The following PLIN1 variants were observed in gnomAD, a reference collection of about 807,000 sequenced individuals.
PLIN1 encodes perilipin 1.
A neutral mutation model predicts 45.8 loss-of-function variants in PLIN1; 37 were observed. The observed-to-expected ratio is 0.81, with a 90% confidence interval of 0.62 to 1.06. The LOEUF (loss-of-function observed/expected upper bound fraction) is 1.06. PLIN1 is among the 50% of genes least tolerant of loss of function. PLIN1 has a pLI of 0.00. For missense variants in PLIN1, 776 were observed against 716.5 expected, an observed-to-expected ratio of 1.08 and a Z score of -0.95; for synonymous variants, 340 against 309.2, an observed-to-expected ratio of 1.10 and a Z score of -1.05.
intron 6 of PLIN1, 41 bp downstream of exon 6, chr15:89,669,459 C>T (rs1193167255): frequency 1.3e-6 from 2 of 1,578,286 alleles, no homozygotes; most frequent in Non-Finnish European, 1.7e-6. Flanking sequence ...CCACAGGGCT[C>T]CCAGGCACCG....
chr15:89,676,339 C>G (rs1228715684), intron 2 of PLIN1, among the ~76,000 whole-genome samples: 1 of 152,202 alleles, frequency 6.6e-6, no homozygotes, highest in African/African-American at 2.4e-5. Flanking sequence ...GCTCTGCCTC[C>G]TGGGTTCATG....
chr15:89,668,283 A>G (rs995373421), intron 6 of PLIN1, among the ~76,000 whole-genome samples: 2 of 152,202 alleles, frequency 1.3e-5, no homozygotes, highest in Non-Finnish European at 2.9e-5. Context: ...TCTGTGTAAT[A>G]TTCCATCATA....
At position 89,670,086 on chromosome 15, in the gene PLIN1, A is replaced by C; in HGVS notation, c.492T>G (p.Ala164=). ...CCAGTCGGCCAGCTCGAGTGTTGGCAGCAAATTCCGCAGTGTCTCTGGCCA... is the reference window on the plus strand; with the variant it reads ...CCAGTCGGCCAGCTCGAGTGTTGGCCGCAAATTCCGCAGTGTCTCTGGCCA... ...WGVARDTAEF[A]ANTRAGRLAS... Residue 164 remains alanine (A), a synonymous_variant, in exon 5 of 9, where the codon GCT becomes GCG. Coordinates refer to ENST00000300055, the MANE Select transcript of PLIN1 (RefSeq NM_002666.5). 1.2e-6 allele frequency: 2 copies of C among 1,614,198 alleles called. No homozygotes were observed. Among genetic ancestry groups the C allele is most frequent in the East Asian group, 4.5e-5 (2 of 44,882 alleles).
At chr15:89,666,883 G>A (rs1964349351) in intron 8 of PLIN1, 53 bp downstream of exon 8, 3 of 1,605,650 alleles carry the variant, frequency 1.9e-6, no homozygotes, top group Non-Finnish European at 1.7e-6. Flanking sequence ...TACTTTATCT[G>A]CCATGTCCAG....
rs1183252447 is a variant in PLIN1 at position 89,665,826 on chromosome 15, G to C, written c.1326C>G (p.Gly442=). Residue 442 remains glycine, a synonymous_variant, in exon 9 of 9, where the codon GGC becomes GGG. Transcript: ENST00000300055. ...GTGCGAGACGCGGGGCGGGCTCCGG[G>C]CCGGCGGACGGCGCCCCAGACGCTC... is the stretch of plus-strand genomic sequence containing the variant. ...ERRASGAPSA[G]PEPAPRLAQP... 1 of 1,413,862 alleles carries C rather than the reference G, an allele frequency of 7.1e-7. No individual in the cohort carries two copies. Among genetic ancestry groups the C allele is most frequent in the Non-Finnish European group, 9.2e-7 (1 of 1,082,074 alleles). The allele number at this position is 1,413,862 out of a possible 1,614,324, so 87.6% of individuals were successfully genotyped here.
intron 1 of PLIN1, among the ~76,000 whole-genome samples, chr15:89,678,971 A>G (rs936295303): frequency 3.3e-5 from 5 of 151,948 alleles, no homozygotes; most frequent in Admixed American, 6.6e-5. Context: ...TCAGCCTCTC[A>G]TGTAGCTGGG....
chr15:89,677,525 C>A, intron 1 of PLIN1, 22 bp from the exon 2 acceptor site: 1 of 1,608,914 alleles, frequency 6.2e-7, no homozygotes, highest in Non-Finnish European at 8.5e-7. Context: ...AGTCCCAGGT[C>A]CCATCAGAAG....
In PLIN1 at chr15:89,667,032, A is replaced by AG. The variant is rs745508965; in HGVS notation, c.1112dup (p.Ala372CysfsTer21). Reference sequence around the variant, plus strand: ...CCCTCCCCTTGGTTGAGGAGACAGCAGGGGCTGGTGTGAGGTGCAGCACCC... The same window carrying AG: ...CCCTCCCCTTGGTTGAGGAGACAGCAGGGGGCTGGTGTGAGGTGCAGCACCC... On this transcript the variant is annotated frameshift_variant, in exon 8 of 9. Coordinates refer to ENST00000300055, the MANE Select transcript of PLIN1 (RefSeq NM_002666.5). LOFTEE classifies it high-confidence loss of function. 1.4e-5 allele frequency: 23 copies of AG among 1,613,672 alleles called. No individual in the cohort carries two copies. Among genetic ancestry groups the AG allele is most frequent in the Non-Finnish European group, 1.9e-5 (22 of 1,179,820 alleles).
chr15:89,676,438 G>T (rs573094374), intron 2 of PLIN1, among the ~76,000 whole-genome samples: 2 of 152,028 alleles, frequency 1.3e-5, no homozygotes, highest in African/African-American at 2.4e-5. Flanking sequence ...TAGTAGAGAT[G>T]GGGTTTCACT....
At chr15:89,667,471 G>A (rs1368879467) in intron 7 of PLIN1, 131 bp downstream of exon 7, 8 of 1,381,222 alleles carry the variant, frequency 5.8e-6, no homozygotes, top group African/African-American at 4.2e-5. Context: ...ATTTGGGGGT[G>A]GGGTGAAGGG....
At chr15:89,677,213 C>A in intron 2 of PLIN1, 1 of 586,162 alleles carries the variant, frequency 1.7e-6, no homozygotes, top group Non-Finnish European at 3.1e-6. Context: ...ATTTCTGTCC[C>A]TTTTTTTCAA....
At chr15:89,679,120 T>C (rs1483036044) in intron 1 of PLIN1, 131 bp downstream of exon 1, 3 of 152,186 alleles carry the variant, frequency 2.0e-5, no homozygotes, top group Non-Finnish European at 4.4e-5. Flanking sequence ...AGTGCTGGGA[T>C]TAAAGGCATG....
In PLIN1 at chr15:89,673,315, G is replaced by A. The variant is rs764259587; in HGVS notation, c.145C>T (p.Pro49Ser). The A allele has an allele frequency of 4.4e-6, 7 of 1,592,470 alleles. No homozygotes were observed. In the Admixed American group the frequency reaches 7.0e-5, roughly 16 times the overall value. ...GCATTGCACACAGAGGCCACCAGGGGGTGGGCTTCCTTAGTGCTGGTGTAG... is the reference window on the plus strand; with the variant it reads ...GCATTGCACACAGAGGCCACCAGGGAGTGGGCTTCCTTAGTGCTGGTGTAG... ...KTYTSTKEAH[P>S]LVASVCNAYE... Residue 49 changes from proline to serine, a missense_variant, in exon 3 of 9, where the codon CCC becomes TCC. Coordinates refer to ENST00000300055, the MANE Select transcript of PLIN1 (RefSeq NM_002666.5).
intron 2 of PLIN1, among the ~76,000 whole-genome samples, chr15:89,676,061 A>G (rs989125016): frequency 6.6e-6 from 1 of 150,704 alleles, no homozygotes; most frequent in Non-Finnish European, 1.5e-5. Flanking sequence ...AGAAAAAAAA[A>G]CCCAGGTCAG....
rs750426923 is a variant in PLIN1, at chr15:89,669,516, G to A, written c.755C>T (p.Pro252Leu). 1 of 1,612,760 alleles carries A rather than the reference G, an allele frequency of 6.2e-7. No individual in the cohort carries two copies. Among genetic ancestry groups the A allele is most frequent in the Non-Finnish European group, 8.5e-7 (1 of 1,179,936 alleles). The change falls in exon 6 of 9, where the codon CCA becomes CTA. Residue 252 changes from proline to leucine, a missense_variant. By Grantham distance (98) the Pro-to-Leu change is moderately conservative. Transcript: ENST00000300055. ...GATACTTACCAGGGGCACCACGCCT[G>A]GGATCCACATGGCCACGGTGTGGCC... ...EQGHTVAMWI[P>L]GVVPLSSLAQ...
In PLIN1 at chr15:89,665,881, G is replaced by A. The variant is rs2141523772; in HGVS notation, c.1271C>T (p.Ala424Val). The change falls in exon 9 of 9, where the codon GCC becomes GTC. Residue 424 changes from alanine to valine, a missense_variant. Ala to Val is a moderately conservative substitution (Grantham distance 64). Transcript: ENST00000300055. ...CTCCGCCTCCCGGCGCTCGACCTCG[G>A]CTGGTGGGTTGTCGATGTCCCGGAA... Reference protein sequence around the residue: ...SEFRDIDNPPAEVERREAERR... With the variant: ...SEFRDIDNPPVEVERREAERR... 1 of 1,525,364 alleles carries A rather than the reference G, an allele frequency of 6.6e-7. No individual in the cohort carries two copies. Among genetic ancestry groups the A allele is most frequent in the East Asian group, 2.6e-5 (1 of 38,380 alleles). 94.5% of individuals were successfully genotyped at this position (1,525,364 alleles called of 1,614,324 possible).
At chr15:89,667,883 C>G (rs187977379) in intron 6 of PLIN1, 90 bp from the exon 7 acceptor site, 53 of 1,525,576 alleles carry the variant, frequency 3.5e-5, no homozygotes, top group African/African-American at 6.9e-5. Flanking sequence ...CCCCCAGGGT[C>G]CGGGCCAGGT....
chr15:89,677,756 T>A, intron 1 of PLIN1: 2 of 395,562 alleles, frequency 5.1e-6, no homozygotes, highest in East Asian at 4.0e-5. Context: ...TTTCTTTCTT[T>A]TTTTTTTTTT....
intron 8 of PLIN1, among the ~76,000 whole-genome samples, chr15:89,666,305 G>A (rs1424404755): frequency 6.6e-6 from 1 of 152,198 alleles, no homozygotes; most frequent in Non-Finnish European, 1.5e-5. Flanking sequence ...CCCGAGCGCA[G>A]GATGAACAGG....
Sources: allele counts gnomAD v4.1 joint callset (sites outside exome capture counted in the v4.1 genomes callset), GRCh38; gene constraint gnomAD v4.1.1; transcripts MANE v1.5; gene names NCBI Gene and HGNC (gene_info 2026-07-23, HGNC 2026-07-21).